The following ARHGAP42 variants were observed in gnomAD, a reference collection of about 807,000 sequenced individuals.
The protein encoded by ARHGAP42 is Rho GTPase activating protein 42, also known as rho GTPase-activating protein 42.
A neutral mutation model predicts 125.0 loss-of-function variants in ARHGAP42; 63 were observed. That is an observed-to-expected ratio of 0.50 (90% CI 0.41 to 0.62). The LOEUF is 0.62. Among genes scored for constraint, ARHGAP42 ranks in the 20% least tolerant of loss-of-function variants. The pLI is 0.00. For missense variants in ARHGAP42, 766 were observed against 1,024.2 expected (o/e 0.75, Z 3.44); for synonymous variants, 339 against 351.0 (o/e 0.97, Z 0.38).
intron 3 of ARHGAP42, among the ~76,000 whole-genome samples, chr11:100,826,710 G>A (rs1372961072): frequency 6.6e-6 from 1 of 151,916 alleles, no homozygotes; most frequent in East Asian, 1.9e-4. Context: ...TGTAAATTTG[G>A]GGACTCCTCA....
At position 100,769,712 on chromosome 11, in the gene ARHGAP42, C is replaced by CTTT. The variant is rs140626690; in HGVS notation, c.155-602_155-600dup. 8.3e-4 allele frequency among the ~76,000 whole-genome samples: 65 copies of CTTT among 78,080 alleles called. 2 individuals carry two copies. The highest frequency in any genetic ancestry group is 1.0e-3 in the African/African-American group (18 of 17,758). The allele number at this position is 78,080 out of a possible 152,430, so 51.2% of individuals were successfully genotyped here. A position where few individuals can be genotyped will look rare whatever the true frequency, so the allele number is the denominator to read the frequency against. ...ACCAGCAAGCTCAGTAGCATTCCTT[C>CTTT]TTTTTTTTTTTTTTTTTTTTTTTTT... On this transcript the variant is annotated intron_variant, in intron 1 of 23. Transcript: ENST00000298815.
rs544206110 is a variant in ARHGAP42 at position 100,695,694 on chromosome 11, G to C, written c.154+7862G>C. Reference sequence around the variant, plus strand: ...TTCTGATTCTTTTATCAAAAATCCAGTTATAATACTAAAGAAAGTGTTTTG... The same window carrying C: ...TTCTGATTCTTTTATCAAAAATCCACTTATAATACTAAAGAAAGTGTTTTG... On this transcript the variant is annotated intron_variant, in intron 1 of 23. Coordinates refer to ENST00000298815, the MANE Select transcript of ARHGAP42 (RefSeq NM_152432.4). Among the ~76,000 whole-genome samples, 9 of 152,258 alleles carry C rather than the reference G, an allele frequency of 5.9e-5. No homozygotes were observed. The East Asian group carries it at 1.7e-3, about 29-fold the overall frequency.
intron 4 of ARHGAP42, among the ~76,000 whole-genome samples, chr11:100,899,297 G>C (rs1209725318): frequency 6.6e-6 from 1 of 152,200 alleles, no homozygotes; most frequent in Admixed American, 6.5e-5. Context: ...GCAATCTGGT[G>C]CTGAGAAGAA....
chr11:100,704,881 G>A (rs866715281), intron 1 of ARHGAP42, among the ~76,000 whole-genome samples: 14 of 151,670 alleles, frequency 9.2e-5, no homozygotes, highest in South Asian at 6.3e-4. Flanking sequence ...AGGAGGCTGA[G>A]GCAGGAGGAT....
At chr11:100,790,068 A>G (rs1366905155) in intron 2 of ARHGAP42, among the ~76,000 whole-genome samples, 2 of 152,248 alleles carry the variant, frequency 1.3e-5, no homozygotes, top group Non-Finnish European at 2.9e-5. Flanking sequence ...AGTTATGTCA[A>G]CAATGAACAC....
chr11:100,700,004 G>T (rs1428195252), intron 1 of ARHGAP42, among the ~76,000 whole-genome samples: 1 of 152,080 alleles, frequency 6.6e-6, no homozygotes, highest in Non-Finnish European at 1.5e-5. Flanking sequence ...GCTGTCACAT[G>T]TCATTCTCCC....
At chr11:100,841,226 T>C (rs535056257) in intron 3 of ARHGAP42, among the ~76,000 whole-genome samples, 118 of 152,304 alleles carry the variant, frequency 7.7e-4, no homozygotes, top group African/African-American at 2.6e-3. Context: ...TGTTAGCTCT[T>C]GTCAGTGTAG....
intron 8 of ARHGAP42, 80 bp from the exon 9 acceptor site, chr11:100,941,704 C>G (rs1867890996): frequency 3.9e-6 from 3 of 777,566 alleles, no homozygotes; most frequent in Non-Finnish European, 2.0e-6. Flanking sequence ...GGTTGTATAT[C>G]ATAGCACTGG....
chr11:100,823,103 T>C (rs1419225059), intron 3 of ARHGAP42, among the ~76,000 whole-genome samples: 2 of 152,174 alleles, frequency 1.3e-5, no homozygotes, highest in Non-Finnish European at 2.9e-5. Flanking sequence ...TTCTGCTGTC[T>C]CAAAGTTCTA....
At chr11:100,831,074 A>G (rs974804257) in intron 3 of ARHGAP42, among the ~76,000 whole-genome samples, 4 of 152,034 alleles carry the variant, frequency 2.6e-5, no homozygotes, top group Non-Finnish European at 5.9e-5. Context: ...GGATTTTTGG[A>G]TTCATATCTG....
chr11:100,875,103 CTCTCTGTGTGTGTGTGTGTG>C (rs1349856494), intron 4 of ARHGAP42, among the ~76,000 whole-genome samples: 6 of 52,962 alleles, frequency 1.1e-4, no homozygotes, highest in South Asian at 9.5e-4. Flanking sequence ...CTCTCTCTCT[CTCTCTGTGTGTGTGTGTGTG>C]TGTGTGTGTG....
At chr11:100,884,690 C>T (rs1166392470) in intron 4 of ARHGAP42, among the ~76,000 whole-genome samples, 6 of 152,040 alleles carry the variant, frequency 3.9e-5, no homozygotes, top group Non-Finnish European at 5.9e-5. Context: ...CCCCCAACCC[C>T]GTCCCACTAC....
At chr11:100,973,373 T>C in intron 18 of ARHGAP42, 39 bp downstream of exon 18, 1 of 1,540,978 alleles carries the variant, frequency 6.5e-7, no homozygotes, top group Non-Finnish European at 8.7e-7. Context: ...AAGTTTTATA[T>C]CTTGGTTTTA....
At chr11:100,829,897 G>C (rs997300694) in intron 3 of ARHGAP42, among the ~76,000 whole-genome samples, 1 of 152,120 alleles carries the variant, frequency 6.6e-6, no homozygotes, top group Non-Finnish European at 1.5e-5. Flanking sequence ...CAATTACTTT[G>C]TGATGATAAG....
chr11:100,827,713 T>G (rs974969566), intron 3 of ARHGAP42, among the ~76,000 whole-genome samples: 1 of 152,196 alleles, frequency 6.6e-6, no homozygotes, highest in African/African-American at 2.4e-5. Context: ...ACTAAGGAAG[T>G]AAGTCTCAAA....
chr11:100,953,818 G>T (rs1857727919), intron 12 of ARHGAP42, among the ~76,000 whole-genome samples: 1 of 14,672 alleles, frequency 6.8e-5, no homozygotes, highest in South Asian at 2.0e-3. Flanking sequence ...CAATATCCAT[G>T]AAATTGTAAG....
At chr11:100,722,659 G>A (rs1861780920) in intron 1 of ARHGAP42, among the ~76,000 whole-genome samples, 1 of 152,130 alleles carries the variant, frequency 6.6e-6, no homozygotes, top group African/African-American at 2.4e-5. Context: ...AAAATGCTGG[G>A]ATTACAGGCG....
chr11:100,843,293 A>G (rs117008781), intron 3 of ARHGAP42, among the ~76,000 whole-genome samples: 3 of 152,204 alleles, frequency 2.0e-5, no homozygotes, highest in Non-Finnish European at 4.4e-5. Context: ...AAACAGACCA[A>G]TAACAAGGAG....
intron 16 of ARHGAP42, among the ~76,000 whole-genome samples, chr11:100,962,780 G>T (rs1463396084): frequency 6.6e-6 from 1 of 152,128 alleles, no homozygotes; most frequent in Non-Finnish European, 1.5e-5. Context: ...GGAAGCTGAG[G>T]CAGGAGGATC....
Sources: gnomAD v4.1 joint callset for allele counts (sites outside exome capture counted in the v4.1 genomes callset) on GRCh38, gnomAD v4.1.1 for gene constraint, MANE v1.5 for transcripts, NCBI Gene and HGNC (gene_info 2026-07-23, HGNC 2026-07-21) for gene names.